Variants in NEK11 observed in about 807,000 individuals in gnomAD.
NEK11 encodes the protein serine/threonine-protein kinase Nek11.
A neutral mutation model predicts 80.7 loss-of-function variants in NEK11; 72 were observed. The observed-to-expected ratio is 0.89, with a 90% CI of 0.74 to 1.08. The LOEUF (loss-of-function observed/expected upper bound fraction) is 1.08. Among genes scored for constraint, NEK11 ranks in the 50% least tolerant of loss-of-function variants. The pLI, the probability that NEK11 is intolerant of heterozygous loss-of-function variation, is 0.00. For synonymous variants in NEK11, 251 were observed against 260.7 expected, an observed-to-expected ratio of 0.96 and a Z score of 0.36; for missense variants, 764 against 763.6, an observed-to-expected ratio of 1.00 and a Z score of -0.01.
chr3:131,044,368 C>G (rs577330756), intron 3 of NEK11, among the ~76,000 whole-genome samples: 1 of 89,802 alleles, frequency 1.1e-5, no homozygotes, highest in South Asian at 3.9e-4. Context: ...CGTGCAAAGA[C>G]AAACATAGGC....
intron 17 of NEK11, among the ~76,000 whole-genome samples, chr3:131,297,977 T>A (rs1427692073): frequency 1.3e-5 from 2 of 151,700 alleles, no homozygotes; most frequent in Admixed American, 6.6e-5. Flanking sequence ...TAGTTGTAGA[T>A]ATGCGGCGTT....
intron 17 of NEK11, among the ~76,000 whole-genome samples, chr3:131,348,130 A>G (rs1401937166): frequency 4.6e-5 from 7 of 152,166 alleles, no homozygotes; most frequent in Admixed American, 4.6e-4. Context: ...CCATAAGTAC[A>G]CATATAAATT....
At chr3:131,052,134 GTT>G (rs34528776) in intron 3 of NEK11, among the ~76,000 whole-genome samples, 50 of 127,182 alleles carry the variant, frequency 3.9e-4, no homozygotes, top group South Asian at 7.4e-4. Flanking sequence ...GGTTTTTTTT[GTT>G]TTTTTTTTTT....
chr3:131,177,368 G>T (rs2093085014), intron 14 of NEK11, among the ~76,000 whole-genome samples: 1 of 152,122 alleles, frequency 6.6e-6, no homozygotes, highest in African/African-American at 2.4e-5. Context: ...ACTGTATTAA[G>T]TGAGACAACA....
At position 131,047,990 on chromosome 3, in the gene NEK11, G is replaced by T. The variant is rs186656478; in HGVS notation, c.170+18112G>T. ...GTATGTGGGTGTGGTTCTCAGGCCAGTGGGATTATGTTTCCAGGGGTATTA... is the reference window on the plus strand; with the variant it reads ...GTATGTGGGTGTGGTTCTCAGGCCATTGGGATTATGTTTCCAGGGGTATTA... On this transcript the variant is annotated intron_variant, in intron 3 of 17. Transcript: ENST00000383366. Among the ~76,000 whole-genome samples, 330 of 152,256 alleles carry T rather than the reference G, an allele frequency of 2.2e-3. 2 individuals carry two copies. The highest frequency in any genetic ancestry group is 7.7e-3 in the African/African-American group (318 of 41,522).
chr3:131,312,051 G>C (rs544261016), intron 17 of NEK11, among the ~76,000 whole-genome samples: 1 of 152,326 alleles, frequency 6.6e-6, no homozygotes, highest in East Asian at 1.9e-4. Context: ...CACCCAAGAA[G>C]ACATGGGTTT....
intron 14 of NEK11, among the ~76,000 whole-genome samples, chr3:131,223,028 G>A (rs1029212615): frequency 6.6e-6 from 1 of 152,142 alleles, no homozygotes; most frequent in Non-Finnish European, 1.5e-5. Flanking sequence ...AACACATTCT[G>A]TTACTGCTTG....
At chr3:131,160,250 C>T (rs1222921185) in intron 10 of NEK11, among the ~76,000 whole-genome samples, 2 of 152,158 alleles carry the variant, frequency 1.3e-5, no homozygotes, top group Non-Finnish European at 2.9e-5. Context: ...ACCTTACAAG[C>T]CAGAAGAGAT....
chr3:131,262,545 A>T (rs1431305543), intron 16 of NEK11, among the ~76,000 whole-genome samples: 3 of 152,154 alleles, frequency 2.0e-5, no homozygotes, highest in Non-Finnish European at 2.9e-5. Context: ...CCTGGCTATA[A>T]CCTGTAGTAC....
intron 17 of NEK11, among the ~76,000 whole-genome samples, chr3:131,304,604 TTGA>T (rs1445372758): frequency 6.6e-6 from 1 of 152,118 alleles, no homozygotes; most frequent in Non-Finnish European, 1.5e-5. Flanking sequence ...CCTTGGGAGT[TTGA>T]TTGTGGTACA....
intron 16 of NEK11, among the ~76,000 whole-genome samples, chr3:131,245,137 A>G (rs895934187): frequency 5.3e-5 from 8 of 151,996 alleles, no homozygotes; most frequent in African/African-American, 1.7e-4. Context: ...TCCACACTGT[A>G]TATCCATATG....
chr3:131,056,288 C>G (rs905034530), intron 3 of NEK11, among the ~76,000 whole-genome samples: 4 of 152,176 alleles, frequency 2.6e-5, no homozygotes, highest in African/African-American at 9.7e-5. Context: ...CCATCTCTCC[C>G]CTTGTAGACA....
intron 7 of NEK11, among the ~76,000 whole-genome samples, chr3:131,141,777 CT>C (rs2086958479): frequency 6.6e-6 from 1 of 152,132 alleles, no homozygotes; most frequent in Non-Finnish European, 1.5e-5. Flanking sequence ...TTCTGATTAG[CT>C]GTAGGACAAA....
intron 14 of NEK11, among the ~76,000 whole-genome samples, chr3:131,208,637 C>T (rs1057346253): frequency 7.9e-5 from 12 of 152,078 alleles, no homozygotes; most frequent in Non-Finnish European, 1.2e-4. Flanking sequence ...TCTTTTATTT[C>T]GTGGAGCAGT....
rs2066242204 is a variant in NEK11 at position 131,040,050 on chromosome 3, A to T, written c.170+10172A>T. Among the ~76,000 whole-genome samples the T allele has an allele frequency of 2.6e-5, 4 of 152,096 alleles. No homozygotes were observed. In the South Asian group the frequency reaches 6.2e-4, roughly 24 times the overall value. On this transcript the variant is annotated intron_variant, in intron 3 of 17. Coordinates refer to ENST00000383366, the MANE Select transcript of NEK11 (RefSeq NM_024800.5). ...TTCTAAAAGTAGTTTACTTCCACTAATTGTGCATTGTATAAATAATGTTAT... is the reference window on the plus strand; with the variant it reads ...TTCTAAAAGTAGTTTACTTCCACTATTTGTGCATTGTATAAATAATGTTAT...
chr3:131,073,428 AT>A (rs1276474441), intron 3 of NEK11, among the ~76,000 whole-genome samples: 2 of 152,342 alleles, frequency 1.3e-5, no homozygotes, highest in East Asian at 3.9e-4. Context: ...GCAGCCAGAA[AT>A]AGCATGTTTG....
intron 7 of NEK11, among the ~76,000 whole-genome samples, chr3:131,143,454 T>C (rs1371181802): frequency 6.6e-6 from 1 of 152,108 alleles, no homozygotes; most frequent in Non-Finnish European, 1.5e-5. Context: ...ACCTTATAAC[T>C]TGGCTTTATA....
chr3:131,228,499 A>G (rs2095258671), intron 14 of NEK11, 29 bp from the exon 15 acceptor site: 2 of 1,566,860 alleles, frequency 1.3e-6, no homozygotes, highest in African/African-American at 1.4e-5. Context: ...AATAACTGGT[A>G]GTATCTGACT....
intron 17 of NEK11, among the ~76,000 whole-genome samples, chr3:131,281,849 A>G (rs2096401074): frequency 6.6e-6 from 1 of 152,058 alleles, no homozygotes; most frequent in South Asian, 2.1e-4. Context: ...TAAATGTAGT[A>G]TTTCATTGTG....
Sources: gnomAD v4.1 joint callset for allele counts (sites outside exome capture counted in the v4.1 genomes callset) on GRCh38, gnomAD v4.1.1 for gene constraint, MANE v1.5 for transcripts, NCBI Gene and HGNC (gene_info 2026-07-23, HGNC 2026-07-21) for gene names.